ATP8A2: variants seen among roughly 807,000 people sequenced by gnomAD.
The protein encoded by ATP8A2 is phospholipid-transporting ATPase IB.
A neutral mutation model predicts 165.6 loss-of-function variants in ATP8A2; 100 were observed. The observed-to-expected ratio is 0.60, with a 90% CI of 0.51 to 0.71. ATP8A2 has a LOEUF of 0.71. Ranked by LOEUF, ATP8A2 falls within the 30% of genes least tolerant of loss-of-function variation. The pLI is 0.00. For synonymous variants in ATP8A2, 543 were observed against 548.8 expected (o/e 0.99, Z 0.15); for missense variants, 1,227 against 1,479.5 (o/e 0.83, Z 2.80).
chr13:25,953,770 A>G lies in ATP8A2; in HGVS notation c.3184-7805A>G, dbSNP rs1052447788. Among the ~76,000 whole-genome samples, 10 of 152,126 alleles carry G rather than the reference A, an allele frequency of 6.6e-5. No individual in the cohort carries two copies. On this transcript the variant is annotated intron_variant, in intron 33 of 36. Transcript: ENST00000381655. This position sits in a 1 kb window ranked among gnomAD's most constrained non-coding sequence, Gnocchi z 6.7. ...AGGGGATTGAGGAACTCCCTCCCCT[A>G]GCCGAGGGAAGCCGTGAGGGACTGT... is the stretch of plus-strand genomic sequence containing the variant.
chr13:25,867,381 G>T (rs1412106342), intron 33 of ATP8A2, among the ~76,000 whole-genome samples: 2 of 152,168 alleles, frequency 1.3e-5, no homozygotes, highest in Non-Finnish European at 1.5e-5. Flanking sequence ...TTTACCAGTT[G>T]TATGTGCTCT....
chr13:25,892,427 A>G (rs1339171558), intron 33 of ATP8A2, among the ~76,000 whole-genome samples: 3 of 149,408 alleles, frequency 2.0e-5, no homozygotes, highest in Non-Finnish European at 4.4e-5. Flanking sequence ...AATAAGTTAA[A>G]AGGCAATGGA....
At chr13:25,968,315 G>A (rs1030117397) in intron 34 of ATP8A2, among the ~76,000 whole-genome samples, 4 of 152,126 alleles carry the variant, frequency 2.6e-5, no homozygotes, top group Non-Finnish European at 4.4e-5. Context: ...TGGGCTGCTC[G>A]GCCGACTTCC....
rs377461820 is a variant in ATP8A2 at position 25,830,499 on chromosome 13, T to C, written c.2754+2307T>C. On this transcript the variant is annotated intron_variant, in intron 28 of 36. Coordinates refer to ENST00000381655, the MANE Select transcript of ATP8A2 (RefSeq NM_016529.6). ...GTGAGTGCTGGCAGTTGGGATGGAA[T>C]GGTCAAGGATCTGCCAGGTGAACTC... is the stretch of plus-strand genomic sequence containing the variant. 5.9e-5 allele frequency among the ~76,000 whole-genome samples: 9 copies of C among 152,248 alleles called. No homozygotes were observed. In the South Asian group the frequency reaches 8.3e-4, roughly 14 times the overall value.
At chr13:25,973,637 C>G (rs187625659) in intron 35 of ATP8A2, among the ~76,000 whole-genome samples, 1 of 152,304 alleles carries the variant, frequency 6.6e-6, no homozygotes, top group East Asian at 1.9e-4. Context: ...TCAAAAATAC[C>G]TGTCATGCTT....
chr13:25,596,112 T>C (rs61947462), intron 24 of ATP8A2, among the ~76,000 whole-genome samples: 24,315 of 152,232 alleles, frequency 0.16, 2,414 homozygotes, highest in Non-Finnish European at 0.24. Context: ...GACTTTGTCT[T>C]GACCTCTGAT....
intron 25 of ATP8A2, among the ~76,000 whole-genome samples, chr13:25,702,490 G>A (rs2042971887): frequency 6.6e-6 from 1 of 152,164 alleles, no homozygotes; most frequent in Non-Finnish European, 1.5e-5. Flanking sequence ...TCTGGCAGGG[G>A]TGTTGCCATG....
At chr13:25,395,492 G>A (rs903924632) in intron 1 of ATP8A2, among the ~76,000 whole-genome samples, 1 of 152,104 alleles carries the variant, frequency 6.6e-6, no homozygotes, top group Non-Finnish European at 1.5e-5. Context: ...ATACATGGGA[G>A]CCTTCAGAAT....
intron 25 of ATP8A2, among the ~76,000 whole-genome samples, chr13:25,732,856 T>G (rs891820426): frequency 2.0e-5 from 3 of 152,182 alleles, no homozygotes; most frequent in Non-Finnish European, 4.4e-5. Context: ...TGAATAAACC[T>G]GGAAAGCATA....
chr13:25,527,406 G>A (rs1441438263), intron 2 of ATP8A2, among the ~76,000 whole-genome samples: 1 of 152,138 alleles, frequency 6.6e-6, no homozygotes, highest in Admixed American at 6.5e-5. Context: ...AGCTCTCCAG[G>A]AGACTGGTGT....
intron 33 of ATP8A2, among the ~76,000 whole-genome samples, chr13:25,939,991 C>A (rs1393784372): frequency 1.3e-5 from 2 of 152,170 alleles, no homozygotes; most frequent in African/African-American, 4.8e-5. Context: ...CTGCTTGACT[C>A]CGTGCACTCA....
intron 10 of ATP8A2, among the ~76,000 whole-genome samples, chr13:25,545,133 G>A (rs2038606069): frequency 6.6e-6 from 1 of 151,956 alleles, no homozygotes; most frequent in Non-Finnish European, 1.5e-5. Flanking sequence ...GGAAGTTCAG[G>A]AGCTGGAAGG....
intron 24 of ATP8A2, among the ~76,000 whole-genome samples, chr13:25,634,736 A>G (rs776827640): frequency 6.6e-6 from 1 of 152,184 alleles, no homozygotes; most frequent in Admixed American, 6.6e-5. Flanking sequence ...AAAGACCTGT[A>G]CCAAGCATTT....
At chr13:25,515,574 GA>G (rs1566208282) in intron 2 of ATP8A2, among the ~76,000 whole-genome samples, 1 of 152,206 alleles carries the variant, frequency 6.6e-6, no homozygotes, top group Admixed American at 6.5e-5. Context: ...GTCTATTTTA[GA>G]AAAAAGACAA....
chr13:25,523,371 T>G (rs568514267), intron 2 of ATP8A2, among the ~76,000 whole-genome samples: 75 of 151,966 alleles, frequency 4.9e-4, no homozygotes, highest in African/African-American at 1.8e-3. Context: ...TTCTGGGGCT[T>G]AGATCCTCCC....
intron 36 of ATP8A2, among the ~76,000 whole-genome samples, 159 bp from the exon 37 acceptor site, chr13:26,019,729 C>T (rs7322437): frequency 0.088 from 13,365 of 152,232 alleles, 631 homozygotes; most frequent in South Asian, 0.12. Flanking sequence ...CCCTCTATGG[C>T]CACAGGTTTC....
chr13:25,571,123 T>C (rs181059145), intron 17 of ATP8A2, among the ~76,000 whole-genome samples: 1 of 152,146 alleles, frequency 6.6e-6, no homozygotes, highest in East Asian at 1.9e-4. Flanking sequence ...CCAGCAGAGG[T>C]GATTGGGCTT....
intron 10 of ATP8A2, among the ~76,000 whole-genome samples, chr13:25,543,828 A>G (rs1300817284): frequency 1.3e-5 from 2 of 152,224 alleles, no homozygotes; most frequent in Non-Finnish European, 2.9e-5. Flanking sequence ...TAGACCGAAG[A>G]AAAAAATGAA....
intron 8 of ATP8A2, among the ~76,000 whole-genome samples, chr13:25,540,685 G>A (rs1390232909): frequency 6.6e-6 from 1 of 152,050 alleles, no homozygotes; most frequent in Non-Finnish European, 1.5e-5. Flanking sequence ...TGGCTGGGAA[G>A]GACACAGCTT....
Sources: allele counts gnomAD v4.1 joint callset (sites outside exome capture counted in the v4.1 genomes callset), GRCh38; gene constraint gnomAD v4.1.1; non-coding constraint Gnocchi (gnomAD v3.1); transcripts MANE v1.5; gene names NCBI Gene and HGNC (gene_info 2026-07-23, HGNC 2026-07-21).